The following KCNIP4 variants were observed in gnomAD, a reference collection of about 807,000 sequenced individuals.
The protein encoded by KCNIP4 is potassium voltage-gated channel interacting protein 4.
KCNIP4 carries 12 observed loss-of-function variants against 34.0 expected under a neutral mutation model. The ratio of observed to expected loss-of-function variants is 0.35; its 90% CI spans 0.23 to 0.57. The LOEUF is 0.57. Among genes scored for constraint, KCNIP4 ranks in the 20% least tolerant of loss-of-function variants. The pLI, the probability that KCNIP4 is intolerant of heterozygous loss-of-function variation, is 0.83. For missense variants in KCNIP4, 238 were observed against 311.7 expected, an observed-to-expected ratio of 0.76 and a Z score of 1.78; for synonymous variants, 124 against 102.2, an observed-to-expected ratio of 1.21 and a Z score of -1.29.
chr4:21,750,465 T>C (rs2109143622), intron 1 of KCNIP4, among the ~76,000 whole-genome samples: 2 of 152,262 alleles, frequency 1.3e-5, no homozygotes, highest in Middle Eastern at 3.4e-3. Flanking sequence ...CCTCCGCAGC[T>C]CTAGGTCTGA....
intron 4 of KCNIP4, 117 bp downstream of exon 4, chr4:20,758,704 T>G: frequency 1.3e-6 from 1 of 784,026 alleles, no homozygotes; most frequent in South Asian, 1.7e-5. Context: ...ATGCTGTGCA[T>G]TAATTCTTTT....
intron 1 of KCNIP4, among the ~76,000 whole-genome samples, chr4:21,836,941 A>G (rs1406148156): frequency 2.4e-5 from 3 of 123,332 alleles, no homozygotes; most frequent in Non-Finnish European, 3.4e-5. Flanking sequence ...TTTTTGAGAC[A>G]GAGTCTGGCT....
chr4:21,166,938 C>CAAAAAAAAAAAAAAAAAAAAAAAAA (rs55649635), intron 1 of KCNIP4, among the ~76,000 whole-genome samples: 3 of 37,562 alleles, frequency 8.0e-5, no homozygotes, highest in African/African-American at 3.2e-4. Context: ...CACTCCATCT[C>CAAAAAAAAAAAAAAAAAAAAAAAAA]AAAAAAAAAA....
chr4:21,619,654 T>C (rs1025399336), intron 1 of KCNIP4, among the ~76,000 whole-genome samples: 1 of 152,238 alleles, frequency 6.6e-6, no homozygotes, highest in African/African-American at 2.4e-5. Flanking sequence ...CCTTTGTTGA[T>C]TGTATTCACC....
At chr4:21,104,809 A>G (rs527314412) in intron 1 of KCNIP4, among the ~76,000 whole-genome samples, 1 of 151,854 alleles carries the variant, frequency 6.6e-6, no homozygotes, top group African/African-American at 2.4e-5. Flanking sequence ...AGCTTTCTCC[A>G]TATGGCTAGC....
intron 1 of KCNIP4, among the ~76,000 whole-genome samples, chr4:21,266,448 T>C (rs1045624331): frequency 3.3e-5 from 5 of 152,122 alleles, no homozygotes; most frequent in East Asian, 1.9e-4. Context: ...GACTGTCAAT[T>C]TGATAGCAGT....
chr4:20,943,896 T>C (rs1731913018), intron 1 of KCNIP4, among the ~76,000 whole-genome samples: 1 of 152,138 alleles, frequency 6.6e-6, no homozygotes, highest in African/African-American at 2.4e-5. Context: ...GCAAGGGACA[T>C]ATTATTGAGA....
intron 1 of KCNIP4, chr4:21,852,996 GA>G (rs1243130137): frequency 6.6e-6 from 1 of 152,126 alleles, no homozygotes; most frequent in Non-Finnish European, 1.5e-5. Context: ...CCTTGTTGAA[GA>G]ACACTTTTGC....
chr4:21,263,371 A>G (rs935106177), intron 1 of KCNIP4, among the ~76,000 whole-genome samples: 19 of 152,206 alleles, frequency 1.2e-4, no homozygotes, highest in African/African-American at 4.3e-4. Context: ...GCTGTATTAG[A>G]ATCCAAGAGT....
At chr4:21,015,711 A>G (rs1739462312) in intron 1 of KCNIP4, among the ~76,000 whole-genome samples, 1 of 133,688 alleles carries the variant, frequency 7.5e-6, no homozygotes, top group East Asian at 2.0e-4. Context: ...TATATTAATT[A>G]TATATATTTT....
At chr4:21,348,358 T>C (rs980905932) in intron 1 of KCNIP4, among the ~76,000 whole-genome samples, 1 of 152,216 alleles carries the variant, frequency 6.6e-6, no homozygotes, top group African/African-American at 2.4e-5. Flanking sequence ...TCTGCCAGGT[T>C]ATACTGCAAA....
chr4:21,654,497 GT>G (rs74402567), intron 1 of KCNIP4, among the ~76,000 whole-genome samples: 4,579 of 144,186 alleles, frequency 0.032, 75 homozygotes, highest in Non-Finnish European at 0.041. Flanking sequence ...TGATTAAAAT[GT>G]TTTTTTTTTT....
At chr4:21,697,799 G>T in intron 1 of KCNIP4, 1 of 342,394 alleles carries the variant, frequency 2.9e-6, no homozygotes, top group Non-Finnish European at 4.3e-6. Flanking sequence ...CATTCAGAGG[G>T]AGGCGGGGCC....
At chr4:21,361,853 T>A (rs2109408523) in intron 1 of KCNIP4, among the ~76,000 whole-genome samples, 1 of 152,226 alleles carries the variant, frequency 6.6e-6, no homozygotes, top group Non-Finnish European at 1.5e-5. Flanking sequence ...GAGTTCATAT[T>A]TGTAACTAAA....
chr4:21,431,894 A>G (rs1017746083), intron 1 of KCNIP4, among the ~76,000 whole-genome samples: 12 of 151,336 alleles, frequency 7.9e-5, no homozygotes, highest in African/African-American at 2.9e-4. Flanking sequence ...AATGTTTGGT[A>G]CAGTTGACCC....
chr4:21,088,544 A>G (rs370097481), intron 1 of KCNIP4, among the ~76,000 whole-genome samples: 7 of 152,154 alleles, frequency 4.6e-5, no homozygotes, highest in African/African-American at 7.2e-5. Context: ...TGTCTATGAG[A>G]TAAGACCCAG....
chr4:21,116,133 C>T (rs1336099234), intron 1 of KCNIP4, among the ~76,000 whole-genome samples: 5 of 152,182 alleles, frequency 3.3e-5, no homozygotes, highest in East Asian at 1.9e-4. Context: ...ACACAGGCTT[C>T]GTCAAAGTCT....
intron 1 of KCNIP4, among the ~76,000 whole-genome samples, chr4:21,173,628 T>G (rs1384968437): frequency 2.0e-5 from 3 of 152,252 alleles, no homozygotes; most frequent in East Asian, 3.9e-4. Context: ...CTGAGGCTTG[T>G]AGAAAAGAAT....
chr4:21,841,735 G>T (rs769185518), intron 1 of KCNIP4, among the ~76,000 whole-genome samples: 6 of 151,920 alleles, frequency 3.9e-5, no homozygotes, highest in Non-Finnish European at 8.8e-5. Flanking sequence ...GGAGACACAG[G>T]GTGTCAAAAA....
Sources: gnomAD v4.1 joint callset for allele counts (sites outside exome capture counted in the v4.1 genomes callset) on GRCh38, gnomAD v4.1.1 for gene constraint, MANE v1.5 for transcripts, NCBI Gene and HGNC (gene_info 2026-07-23, HGNC 2026-07-21) for gene names.